The following NDC80 variants were observed in gnomAD, a reference collection of about 807,000 sequenced individuals.
NDC80 encodes the protein kinetochore protein NDC80 homolog.
A neutral mutation model predicts 89.3 loss-of-function variants in NDC80; 69 were observed. The ratio of observed to expected loss-of-function variants is 0.77; its 90% CI spans 0.64 to 0.94. The LOEUF is 0.94. NDC80 is among the 40% of genes least tolerant of loss of function. The pLI, the probability that NDC80 is intolerant of heterozygous loss-of-function variation, is 0.00. For missense variants in NDC80, 593 were observed against 739.6 expected (o/e 0.80, Z 2.30); for synonymous variants, 243 against 255.6 (o/e 0.95, Z 0.47).
chr18:2,608,804 G>T lies in NDC80; in HGVS notation c.1662G>T (p.Met554Ile). 1 of 1,611,836 alleles carries T rather than the reference G, an allele frequency of 6.2e-7. No homozygotes were observed. Among genetic ancestry groups the T allele is most frequent in the South Asian group, 1.1e-5 (1 of 90,924 alleles). ...STVNQGLSEA[M>I]NELDAVQREY... Reference sequence around the variant, plus strand: ...TTAACCAGGGGCTCAGTGAAGCTATGAATGAATTAGATGCTGTTCAGCGGG... The same window carrying T: ...TTAACCAGGGGCTCAGTGAAGCTATTAATGAATTAGATGCTGTTCAGCGGG... Residue 554 changes from methionine to isoleucine, a missense_variant, in exon 15 of 17, where the codon ATG becomes ATT. Transcript: ENST00000261597.
At chr18:2,615,797 A>C (rs7350999) in intron 16 of NDC80, among the ~76,000 whole-genome samples, 1 of 152,130 alleles carries the variant, frequency 6.6e-6, no homozygotes, top group Admixed American at 6.5e-5. Context: ...TTAAAATACT[A>C]TATGAAAAAG....
chr18:2,588,297 C>G (rs575255401), intron 8 of NDC80, among the ~76,000 whole-genome samples: 16 of 152,236 alleles, frequency 1.1e-4, no homozygotes, highest in South Asian at 1.0e-3. Context: ...CTACGTTGTC[C>G]TTGCTTACTA....
chr18:2,607,965 G>GTATATATATATATATATATATATATA (rs3033372), intron 14 of NDC80, among the ~76,000 whole-genome samples: 1 of 68,152 alleles, frequency 1.5e-5, no homozygotes, highest in African/African-American at 5.6e-5. Context: ...TATATACATA[G>GTATATATATATATATATATATATATA]TATATATATA....
At chr18:2,610,505 C>T (rs904288075) in intron 15 of NDC80, among the ~76,000 whole-genome samples, 5 of 152,198 alleles carry the variant, frequency 3.3e-5, no homozygotes, top group Non-Finnish European at 7.3e-5. Context: ...TCAGTTACAA[C>T]CCTTCGCTCC....
intron 6 of NDC80, among the ~76,000 whole-genome samples, chr18:2,579,788 A>G (rs1190125964): frequency 6.6e-6 from 1 of 152,126 alleles, no homozygotes; most frequent in Non-Finnish European, 1.5e-5. Context: ...TGTTTTTTAA[A>G]CTTTTGATAC....
intron 13 of NDC80, among the ~76,000 whole-genome samples, chr18:2,604,889 T>C (rs2072702021): frequency 6.6e-6 from 1 of 152,150 alleles, no homozygotes; most frequent in South Asian, 2.1e-4. Flanking sequence ...AATTTCACAC[T>C]GTTGGCCTTT....
At chr18:2,605,325 TG>T in intron 13 of NDC80, among the ~76,000 whole-genome samples, 1 of 120,442 alleles carries the variant, frequency 8.3e-6, no homozygotes, top group Non-Finnish European at 1.8e-5. Context: ...TGTGTGTGTG[TG>T]TGTATGTACA....
chr18:2,593,013 G>GGAGTGT (rs1555618271), intron 10 of NDC80, among the ~76,000 whole-genome samples: 1 of 108,398 alleles, frequency 9.2e-6, no homozygotes, highest in Admixed American at 1.1e-4. Context: ...AATAAACTCT[G>GGAGTGT]GTGTGTGTGT....
At chr18:2,579,933 T>TTA (rs1409988215) in intron 6 of NDC80, among the ~76,000 whole-genome samples, 1 of 152,190 alleles carries the variant, frequency 6.6e-6, no homozygotes, top group East Asian at 1.9e-4. Flanking sequence ...AATAGCTTGT[T>TTA]TATATATAAA....
rs770535766 is a variant in NDC80 at position 2,614,434 on chromosome 18, TCAAAAAAAGAAAGAAA to T, written c.1792-2002_1792-1987del. 353 of 176,936 alleles carry T rather than the reference TCAAAAAAAGAAAGAAA, an allele frequency of 2.0e-3. 12 individuals are homozygous for T. The highest frequency in any genetic ancestry group is 9.5e-3 in the African/African-American group (334 of 35,250). 11.0% of individuals were successfully genotyped at this position (176,936 alleles called of 1,614,324 possible). ...CCTGGCTACAGAGCAAGATGCTGTC[TCAAAAAAAGAAAGAAA>T]GAAAGAAAGAAAGAAAGAAAGAAAG... On this transcript the variant is annotated intron_variant, in intron 16 of 16. Transcript: ENST00000261597.
At chr18:2,595,851 A>G (rs1370482761) in intron 11 of NDC80, among the ~76,000 whole-genome samples, 2 of 152,228 alleles carry the variant, frequency 1.3e-5, no homozygotes, top group African/African-American at 2.4e-5. Context: ...TAAACAAAAA[A>G]GTCTCTAAAA....
chr18:2,577,595 C>T (rs961271057), intron 3 of NDC80, 151 bp from the exon 4 acceptor site: 7 of 848,442 alleles, frequency 8.3e-6, no homozygotes, highest in African/African-American at 3.4e-5. Flanking sequence ...GTTATTTGCT[C>T]CTTTTCTCTG....
rs2072615668 is a variant in NDC80 at position 2,589,248 on chromosome 18, G to GA, written c.808_809insA (p.Ala270AspfsTer8). 6.2e-7 allele frequency: 1 copy of GA among 1,613,324 alleles called. No homozygotes were observed. The highest frequency in any genetic ancestry group is 8.5e-7 in the Non-Finnish European group (1 of 1,179,684). On this transcript the variant is annotated frameshift_variant, in exon 9 of 17. Transcript: ENST00000261597. LOFTEE classifies it high-confidence loss of function. ...TGCTTTTAAGCTGGAATCATTAGAA[G>GA]CAAAAAACAGAGCATTGAATGAACA...
At chr18:2,593,891 T>A in intron 10 of NDC80, 1 of 220,468 alleles carries the variant, frequency 4.5e-6, no homozygotes, top group South Asian at 6.2e-5. Flanking sequence ...CTAGCTTATT[T>A]TATTTTATTT....
chr18:2,616,602 TC>T lies in NDC80; in HGVS notation c.*30del, dbSNP rs767694986. On this transcript the variant is annotated 3_prime_UTR_variant, in exon 17 of 17. Coordinates refer to ENST00000261597, the MANE Select transcript of NDC80 (RefSeq NM_006101.3). ...ATAAAATGTTGATCATGTATATATA[TC>T]CATAGTGAATAAAATTGTCTCAGTA... 31 of 1,219,190 alleles carry T rather than the reference TC, an allele frequency of 2.5e-5. No homozygotes were observed. Among genetic ancestry groups the T allele is most frequent in the Non-Finnish European group, 3.4e-5 (31 of 906,514 alleles). The allele number at this position is 1,219,190 out of a possible 1,614,324, so 75.5% of individuals were successfully genotyped here.
In NDC80 at chr18:2,610,804, G is replaced by A. The variant is rs2072739566; in HGVS notation, c.1734G>A (p.Val578=). Residue 578 remains valine, a synonymous_variant, in exon 16 of 17, where the codon GTG becomes GTA. Coordinates refer to ENST00000261597, the MANE Select transcript of NDC80 (RefSeq NM_006101.3). ...VQTTTEERRK[V]GNNLQRLLEM... ...CCACGACTGAAGAAAGACGAAAAGT[G>A]GGAAATAACTTGCAACGTCTGTTAG... 1 of 1,590,924 alleles carries A rather than the reference G, an allele frequency of 6.3e-7. No homozygotes were observed. Among genetic ancestry groups the A allele is most frequent in the Admixed American group, 1.7e-5 (1 of 59,426 alleles).
At chr18:2,612,463 A>AT (rs1484872757) in intron 16 of NDC80, among the ~76,000 whole-genome samples, 1 of 151,494 alleles carries the variant, frequency 6.6e-6, no homozygotes, top group African/African-American at 2.4e-5. Context: ...CAGTATTTGT[A>AT]TTTTTAGTGG....
At position 2,606,470 on chromosome 18, in the gene NDC80, T is replaced by C; in HGVS notation, c.1520T>C (p.Val507Ala). 1 of 1,606,964 alleles carries C rather than the reference T, an allele frequency of 6.2e-7. No individual in the cohort carries two copies. The highest frequency in any genetic ancestry group is 2.3e-5 in the East Asian group (1 of 44,376). ...KRSVRTLKEE[V>A]QKLDDLYQQK... ...AGTGTGAGAACTCTGAAAGAAGAAGTTCAAAAGCTGGATGATCTTTACCAA... is the reference window on the plus strand; with the variant it reads ...AGTGTGAGAACTCTGAAAGAAGAAGCTCAAAAGCTGGATGATCTTTACCAA... The change falls in exon 14 of 17, where the codon GTT becomes GCT. Residue 507 changes from valine (V) to alanine (A), a missense_variant. Val to Ala is a moderately conservative substitution (Grantham distance 64). Coordinates refer to ENST00000261597, the MANE Select transcript of NDC80 (RefSeq NM_006101.3).
chr18:2,578,969 G>T lies in NDC80; in HGVS notation c.519G>T (p.Gly173=). The change falls in exon 6 of 17, where the codon GGG becomes GGT. Residue 173 remains glycine (G), a synonymous_variant. Transcript: ENST00000261597. ...CCAAAAGCTCCATGTACACAGTGGG[G>T]GCTCCTCATACATGGCCTCACATTG... ...ALSKSSMYTV[G]APHTWPHIVA... is the part of the protein sequence containing the mutation. The T allele has an allele frequency of 6.4e-7, 1 of 1,570,456 alleles. No homozygotes were observed. The highest frequency in any genetic ancestry group is 8.6e-7 in the Non-Finnish European group (1 of 1,158,436).
Sources: allele counts gnomAD v4.1 joint callset (sites outside exome capture counted in the v4.1 genomes callset), GRCh38; gene constraint gnomAD v4.1.1; transcripts MANE v1.5; gene names NCBI Gene and HGNC (gene_info 2026-07-23, HGNC 2026-07-21).